The following TBC1D16 variants were observed in gnomAD, a reference collection of about 807,000 sequenced individuals.
The protein encoded by TBC1D16 is TBC1 domain family member 16.
In TBC1D16, 58 loss-of-function variants were observed where a neutral mutation model predicts 74.7. That is an observed-to-expected ratio of 0.78 (90% confidence interval 0.63 to 0.97). The LOEUF (loss-of-function observed/expected upper bound fraction) is 0.97. TBC1D16 is among the 50% of genes least tolerant of loss of function. The pLI is 0.00. For synonymous variants in TBC1D16, 493 were observed against 474.7 expected, an observed-to-expected ratio of 1.04 and a Z score of -0.50; for missense variants, 1,014 against 1,079.5, an observed-to-expected ratio of 0.94 and a Z score of 0.85.
At chr17:79,967,674 A>G (rs1370490169) in intron 3 of TBC1D16, among the ~76,000 whole-genome samples, 1 of 152,208 alleles carries the variant, frequency 6.6e-6, no homozygotes, top group African/African-American at 2.4e-5. Flanking sequence ...ATACTCTCCA[A>G]ATTGATACAC....
rs776642770 is a variant in TBC1D16 at position 80,010,210 on chromosome 17, G to A, written c.729C>T (p.Ser243=). ...FSSPFCLSPI[S]AALAESRGSV... is the part of the protein sequence containing the mutation. ...AGCCGCGGCTCTCGGCCAGCGCCGC[G>A]CTGATGGGCGAGAGGCAGAAGGGCG... is the stretch of plus-strand genomic sequence containing the variant. The change falls in exon 3 of 12, where the codon AGC becomes AGT. Residue 243 remains serine (S), a synonymous_variant. Coordinates refer to ENST00000310924, the MANE Select transcript of TBC1D16 (RefSeq NM_019020.4). This position sits in a 1 kb window ranked among gnomAD's most constrained non-coding sequence, Gnocchi z 8.8. 1.1e-5 allele frequency: 17 copies of A among 1,613,020 alleles called. No individual in the cohort carries two copies. The highest frequency in any genetic ancestry group is 1.4e-5 in the Non-Finnish European group (16 of 1,179,782).
In TBC1D16 at chr17:79,975,887, G is replaced by T. The variant is rs1470462374; in HGVS notation, c.780-23069C>A. 6.6e-6 allele frequency among the ~76,000 whole-genome samples: 1 copy of T among 152,236 alleles called. No individual in the cohort carries two copies. ...TCTGGGCTTCAGGATGGCAGCAGCA[G>T]CTCCGGCAGGCGGCTCTCCAGGCCA... On this transcript the variant is annotated intron_variant, in intron 3 of 11. Transcript: ENST00000310924. The surrounding 1 kb of genome is among the most constrained non-coding windows in gnomAD (Gnocchi z 4.5).
chr17:79,997,568 G>C (rs974936107), intron 3 of TBC1D16, among the ~76,000 whole-genome samples: 2 of 152,160 alleles, frequency 1.3e-5, no homozygotes, highest in Non-Finnish European at 2.9e-5. Flanking sequence ...TAAATGAATA[G>C]ACTTTCTTTT....
At chr17:79,966,136 C>T (rs1425430934) in intron 3 of TBC1D16, among the ~76,000 whole-genome samples, 2 of 152,184 alleles carry the variant, frequency 1.3e-5, no homozygotes, top group Non-Finnish European at 2.9e-5. Context: ...TGTGGCCTTC[C>T]GTGGCTTGCA....
intron 3 of TBC1D16, among the ~76,000 whole-genome samples, chr17:79,966,574 C>G (rs1274667015): frequency 6.6e-6 from 1 of 152,170 alleles, no homozygotes; most frequent in African/African-American, 2.4e-5. Context: ...CAGGTTGCTT[C>G]CCTTCAATCC....
Position 79,948,856 on chromosome 17 carries a change from G to A in TBC1D16, c.1541+16C>T. The A allele has an allele frequency of 1.2e-6, 2 of 1,613,946 alleles. No individual in the cohort carries two copies. Among genetic ancestry groups the A allele is most frequent in the Non-Finnish European group, 1.7e-6 (2 of 1,179,870 alleles). Reference sequence around the variant, plus strand: ...AGACTTGCAGATGGGAAAGGAGCTGGCTGGGGAGGGAGTACCTCATGCTCT... The same window carrying A: ...AGACTTGCAGATGGGAAAGGAGCTGACTGGGGAGGGAGTACCTCATGCTCT... On this transcript the variant is annotated intron_variant, in intron 8 of 11. Transcript: ENST00000310924.
At chr17:79,978,311 G>A (rs375871435) in intron 3 of TBC1D16, among the ~76,000 whole-genome samples, 3 of 152,382 alleles carry the variant, frequency 2.0e-5, no homozygotes, top group South Asian at 4.1e-4. Flanking sequence ...TAACTCTGCC[G>A]ATCTGCAACA....
At chr17:79,942,297 G>T in intron 10 of TBC1D16, 91 bp from the exon 11 acceptor site, 2 of 1,376,130 alleles carry the variant, frequency 1.5e-6, no homozygotes, top group Non-Finnish European at 9.9e-7. Flanking sequence ...TGCGAGTGAG[G>T]GCTCCAGGGC....
At chr17:80,030,685 T>C (rs1463982461) in intron 1 of TBC1D16, among the ~76,000 whole-genome samples, 1 of 152,220 alleles carries the variant, frequency 6.6e-6, no homozygotes, top group Non-Finnish European at 1.5e-5. Context: ...AGGACAGACC[T>C]GGTCCTGGAA....
At chr17:79,948,169 G>A (rs2032719613) in intron 8 of TBC1D16, among the ~76,000 whole-genome samples, 1 of 152,124 alleles carries the variant, frequency 6.6e-6, no homozygotes, top group African/African-American at 2.4e-5. Flanking sequence ...AACTTAGCCG[G>A]GCATGGTGGG....
Position 79,939,382 on chromosome 17 carries a change from G to A in TBC1D16, c.*1477C>T, listed in dbSNP as rs1221374458. ...GAGAAGGTGGAGGAGGCCGGTAAGTGGTGACCTCCGCTTTCCTGCTGAGGA... is the reference window on the plus strand; with the variant it reads ...GAGAAGGTGGAGGAGGCCGGTAAGTAGTGACCTCCGCTTTCCTGCTGAGGA... On this transcript the variant is annotated 3_prime_UTR_variant, in exon 12 of 12. Coordinates refer to ENST00000310924, the MANE Select transcript of TBC1D16 (RefSeq NM_019020.4). 1 of 152,250 alleles carries A rather than the reference G, an allele frequency of 6.6e-6. No homozygotes were observed. Among genetic ancestry groups the A allele is most frequent in the Admixed American group, 6.5e-5 (1 of 15,282 alleles). The allele number at this position is 152,250 out of a possible 1,614,324, so 9.4% of individuals were successfully genotyped here.
At chr17:80,021,901 GAC>G (rs1227927387) in intron 1 of TBC1D16, among the ~76,000 whole-genome samples, 1 of 150,234 alleles carries the variant, frequency 6.7e-6, no homozygotes, top group African/African-American at 2.5e-5. Flanking sequence ...CACACACCAT[GAC>G]ACACACCATG....
intron 3 of TBC1D16, among the ~76,000 whole-genome samples, chr17:79,974,661 G>A (rs1319869849): frequency 1.3e-5 from 2 of 152,154 alleles, no homozygotes; most frequent in African/African-American, 4.8e-5. Context: ...GTGAACCATA[G>A]AGTTTCTTGG....
Position 79,950,496 on chromosome 17 carries a change from C to T in TBC1D16, c.1172G>A (p.Ser391Asn), listed in dbSNP as rs752250390. The change falls in exon 6 of 12, where the codon AGC becomes AAC. Residue 391 changes from serine to asparagine, a missense_variant. Coordinates refer to ENST00000310924, the MANE Select transcript of TBC1D16 (RefSeq NM_019020.4). This position sits in a 1 kb window ranked among gnomAD's most constrained non-coding sequence, Gnocchi z 4.6. ...LPSSETHPEESMYKRLGVSAW... is the reference protein window; with the variant it reads ...LPSSETHPEENMYKRLGVSAW... ...GGAGACGCCGAGCCTCTTGTACATG[C>T]TCTCCTCGGGGTGCGTCTCGGAGGA... is the stretch of plus-strand genomic sequence containing the variant. The T allele has an allele frequency of 1.9e-6, 3 of 1,613,404 alleles. No homozygotes were observed. Among genetic ancestry groups the T allele is most frequent in the Non-Finnish European group, 2.5e-6 (3 of 1,179,902 alleles).
At position 79,960,779 on chromosome 17, in the gene TBC1D16, CAAAAAAAAAAAAAAAAAA is replaced by C. The variant is rs746450905; in HGVS notation, c.780-7979_780-7962del. 2.9e-3 allele frequency among the ~76,000 whole-genome samples: 97 copies of C among 33,952 alleles called. 2 individuals are homozygous for C. Among genetic ancestry groups the C allele is most frequent in the Admixed American group, 8.4e-3 (16 of 1,914 alleles). The allele number at this position is 33,952 out of a possible 152,430, so 22.3% of individuals were successfully genotyped here. The stretch of plus-strand genomic sequence containing the variant: ...CAAAAAAACCCAAAAAACAAAAACC[CAAAAAAAAAAAAAAAAAA>C]AAAAAAAAAAAACGAAGGAATGAAA... On this transcript the variant is annotated intron_variant, in intron 3 of 11. Transcript: ENST00000310924.
intron 1 of TBC1D16, among the ~76,000 whole-genome samples, chr17:80,014,645 A>T (rs1021500635): frequency 6.6e-6 from 1 of 152,160 alleles, no homozygotes; most frequent in Admixed American, 6.5e-5. Context: ...CGGGAGCAAC[A>T]TGGCAGAATC....
intron 3 of TBC1D16, among the ~76,000 whole-genome samples, chr17:79,977,970 A>G (rs2034403399): frequency 6.6e-6 from 1 of 152,162 alleles, no homozygotes; most frequent in Non-Finnish European, 1.5e-5. Context: ...CTGGATGCTG[A>G]GGGGGGCCCA....
At chr17:80,032,273 A>C (rs1476001982) in intron 1 of TBC1D16, among the ~76,000 whole-genome samples, 3 of 152,210 alleles carry the variant, frequency 2.0e-5, no homozygotes, top group Non-Finnish European at 2.9e-5. Flanking sequence ...AAGCAGACAC[A>C]TGTATCACCT....
At chr17:79,997,378 G>C (rs2144563721) in intron 3 of TBC1D16, among the ~76,000 whole-genome samples, 1 of 151,618 alleles carries the variant, frequency 6.6e-6, no homozygotes, top group East Asian at 1.9e-4. Flanking sequence ...ACTTCCTGTA[G>C]TTACTTCGAA....
Sources: allele counts gnomAD v4.1 joint callset (sites outside exome capture counted in the v4.1 genomes callset), GRCh38; gene constraint gnomAD v4.1.1; non-coding constraint Gnocchi (gnomAD v3.1); transcripts MANE v1.5; gene names NCBI Gene and HGNC (gene_info 2026-07-23, HGNC 2026-07-21).